Variants in LIN52 observed in about 807,000 individuals in gnomAD.
The protein encoded by LIN52 is lin-52 DREAM MuvB core complex component, also known as protein lin-52 homolog.
A neutral mutation model predicts 18.5 loss-of-function variants in LIN52; 4 were observed. The ratio of observed to expected loss-of-function variants is 0.22; its 90% CI spans 0.11 to 0.49. The LOEUF (loss-of-function observed/expected upper bound fraction) is 0.49, where lower values mean the gene tolerates loss of function less well. Ranked by LOEUF, LIN52 falls within the 20% of genes least tolerant of loss-of-function variation. The pLI, the probability that LIN52 is intolerant of heterozygous loss-of-function variation, is 0.97. For synonymous variants in LIN52, 34 were observed against 45.5 expected, an observed-to-expected ratio of 0.75 and a Z score of 1.02; for missense variants, 102 against 139.5, an observed-to-expected ratio of 0.73 and a Z score of 1.35.
At chr14:74,167,191 A>G (rs182756514) in intron 5 of LIN52, among the ~76,000 whole-genome samples, 5 of 150,154 alleles carry the variant, frequency 3.3e-5, no homozygotes, top group East Asian at 3.9e-4. Flanking sequence ...ACTCAAATCC[A>G]TGAAGGATAA....
intron 5 of LIN52, among the ~76,000 whole-genome samples, chr14:74,153,804 A>C (rs1032397023): frequency 2.6e-5 from 4 of 152,146 alleles, no homozygotes; most frequent in Admixed American, 6.5e-5. Context: ...TCTGCCTCCC[A>C]AAGTGCTGGG....
At chr14:74,094,258 GTTTTT>G (rs34744239) in intron 2 of LIN52, among the ~76,000 whole-genome samples, 1 of 144,292 alleles carries the variant, frequency 6.9e-6, no homozygotes, top group Non-Finnish European at 1.5e-5. Flanking sequence ...CTACTTTGTA[GTTTTT>G]TTTTTTTTTT....
Position 74,198,979 on chromosome 14 carries a change from A to C in LIN52, c.*2A>C, listed in dbSNP as rs755893501. Reference sequence around the variant, plus strand: ...ATTCTAGAGAAGCCCAAGAAGTAGCAGCTGCTTGCGGACAGGATGTCCTGG... The same window carrying C: ...ATTCTAGAGAAGCCCAAGAAGTAGCCGCTGCTTGCGGACAGGATGTCCTGG... On this transcript the variant is annotated 3_prime_UTR_variant, in exon 6 of 6. Coordinates refer to ENST00000555028, the MANE Select transcript of LIN52 (RefSeq NM_001024674.3). 6.2e-7 allele frequency: 1 copy of C among 1,610,116 alleles called. No individual in the cohort carries two copies. The highest frequency in any genetic ancestry group is 8.5e-7 in the Non-Finnish European group (1 of 1,176,624).
chr14:74,110,230 A>G (rs904532134), intron 5 of LIN52, among the ~76,000 whole-genome samples: 1 of 152,178 alleles, frequency 6.6e-6, no homozygotes, highest in African/African-American at 2.4e-5. Flanking sequence ...ATTTGGCTAA[A>G]TTTTATCACT....
In LIN52 at chr14:74,188,714, G is replaced by A. The variant is rs146235888; in HGVS notation, c.284-10208G>A. Among the ~76,000 whole-genome samples the A allele has an allele frequency of 3.4e-4, 51 of 152,122 alleles. No homozygotes were observed. In the East Asian group the frequency reaches 6.6e-3, roughly 20 times the overall value. Reference sequence around the variant, plus strand: ...GGGTGCTATGATTATTTTGTTAAGCGTTATTCGAATAGACAGGAGTGAGAG... The same window carrying A: ...GGGTGCTATGATTATTTTGTTAAGCATTATTCGAATAGACAGGAGTGAGAG... On this transcript the variant is annotated intron_variant, in intron 5 of 5. Transcript: ENST00000555028.
chr14:74,101,168 C>T lies in LIN52; in HGVS notation c.213C>T (p.Leu71=), dbSNP rs777197282. ...DIDMLKELGS[L]TTANLMEKVR... is the part of the protein sequence containing the mutation. ...ATTCTGTTTCAGAACTGGGGAGTCT[C>T]ACCACGGCTAATTTGATGGAGAAGG... Residue 71 remains leucine (L), a synonymous_variant, in exon 5 of 6, where the codon CTC becomes CTT. Coordinates refer to ENST00000555028, the MANE Select transcript of LIN52 (RefSeq NM_001024674.3). 1.9e-6 allele frequency: 3 copies of T among 1,611,510 alleles called. No individual in the cohort carries two copies. The highest frequency in any genetic ancestry group is 1.1e-5 in the South Asian group (1 of 90,566).
At chr14:74,188,758 G>C (rs2061350886) in intron 5 of LIN52, among the ~76,000 whole-genome samples, 1 of 152,134 alleles carries the variant, frequency 6.6e-6, no homozygotes, top group African/African-American at 2.4e-5. Context: ...CAATCCAAAT[G>C]CAATTAGCAT....
At chr14:74,118,630 C>G (rs560681143) in intron 5 of LIN52, among the ~76,000 whole-genome samples, 1 of 151,994 alleles carries the variant, frequency 6.6e-6, no homozygotes, top group African/African-American at 2.4e-5. Context: ...AAAAATTAGC[C>G]GGGCCTGCTG....
chr14:74,149,560 T>TTTG, intron 5 of LIN52, among the ~76,000 whole-genome samples: 1 of 152,162 alleles, frequency 6.6e-6, no homozygotes, highest in African/African-American at 2.4e-5. Flanking sequence ...GGGGAGGGGT[T>TTTG]GCCATTATAG....
At chr14:74,184,771 G>T (rs1432521681) in intron 5 of LIN52, among the ~76,000 whole-genome samples, 2 of 152,130 alleles carry the variant, frequency 1.3e-5, no homozygotes, top group Non-Finnish European at 2.9e-5. Flanking sequence ...AAGTGACTGA[G>T]GACTTTTTTA....
intron 5 of LIN52, among the ~76,000 whole-genome samples, chr14:74,170,941 G>C (rs1424964953): frequency 6.6e-6 from 1 of 150,538 alleles, no homozygotes; most frequent in Non-Finnish European, 1.5e-5. Flanking sequence ...CACACTTAGA[G>C]ATACTGTGGC....
At chr14:74,175,292 C>G (rs146986504) in intron 5 of LIN52, among the ~76,000 whole-genome samples, 47 of 151,500 alleles carry the variant, frequency 3.1e-4, no homozygotes, top group African/African-American at 1.1e-3. Flanking sequence ...AACTTTTTAA[C>G]TCTTTTGTAA....
chr14:74,132,989 A>G (rs1595169253), intron 5 of LIN52, among the ~76,000 whole-genome samples: 1 of 152,060 alleles, frequency 6.6e-6, no homozygotes, highest in East Asian at 1.9e-4. Context: ...AATCGAAACC[A>G]TGTCAATTGC....
chr14:74,190,905 G>A (rs935440739), intron 5 of LIN52, among the ~76,000 whole-genome samples: 5 of 152,288 alleles, frequency 3.3e-5, no homozygotes, highest in East Asian at 1.9e-4. Context: ...CAAAAGACCC[G>A]TCCTCATCCA....
At chr14:74,159,975 T>C (rs1028216150) in intron 5 of LIN52, among the ~76,000 whole-genome samples, 11 of 152,224 alleles carry the variant, frequency 7.2e-5, no homozygotes, top group Non-Finnish European at 1.5e-4. Flanking sequence ...ATGTATAATT[T>C]TCAGCAGAGA....
intron 5 of LIN52, among the ~76,000 whole-genome samples, chr14:74,151,334 G>A (rs1437112351): frequency 1.3e-5 from 2 of 152,164 alleles, no homozygotes; most frequent in Non-Finnish European, 1.5e-5. Context: ...TTTGTTTAAT[G>A]TAGTATTCCT....
chr14:74,170,701 A>G (rs1288293069), intron 5 of LIN52, among the ~76,000 whole-genome samples: 3 of 152,082 alleles, frequency 2.0e-5, no homozygotes, highest in Non-Finnish European at 4.4e-5. Flanking sequence ...TATAGTTTCT[A>G]TAAGCAGTAG....
intron 5 of LIN52, among the ~76,000 whole-genome samples, chr14:74,165,948 A>G (rs1349013446): frequency 6.7e-6 from 1 of 149,772 alleles, no homozygotes; most frequent in Non-Finnish European, 1.5e-5. Context: ...CTAGGGTGCA[A>G]TGGCATGATC....
At chr14:74,198,869 C>CT (rs1299269983) in intron 5 of LIN52, 53 bp from the exon 6 acceptor site, 3 of 1,305,722 alleles carry the variant, frequency 2.3e-6, no homozygotes, top group Non-Finnish European at 3.3e-6. Flanking sequence ...TCCTATGATT[C>CT]TTTTTTCCGA....
Sources: allele counts gnomAD v4.1 joint callset (sites outside exome capture counted in the v4.1 genomes callset), GRCh38; gene constraint gnomAD v4.1.1; transcripts MANE v1.5; gene names NCBI Gene and HGNC (gene_info 2026-07-23, HGNC 2026-07-21).